The following PAPPA2 variants were observed in gnomAD, a reference collection of about 807,000 sequenced individuals.
PAPPA2 encodes pappalysin 2, also known as pappalysin-2.
In PAPPA2, 86 loss-of-function variants were observed where a neutral mutation model predicts 176.4. The ratio of observed to expected loss-of-function variants is 0.49; its 90% CI spans 0.41 to 0.58. PAPPA2 has a LOEUF of 0.58. Ranked by LOEUF, PAPPA2 falls within the 20% of genes least tolerant of loss-of-function variation. The pLI is 0.00. For missense variants in PAPPA2, 2,073 were observed against 2,256.9 expected, an observed-to-expected ratio of 0.92 and a Z score of 1.65; for synonymous variants, 809 against 852.2, an observed-to-expected ratio of 0.95 and a Z score of 0.88.
intron 17 of PAPPA2, among the ~76,000 whole-genome samples, chr1:176,782,597 T>C (rs1571320211): frequency 6.6e-6 from 1 of 151,950 alleles, no homozygotes; most frequent in Non-Finnish European, 1.5e-5. Flanking sequence ...GCTGGGAAGG[T>C]CATGGGTTGT....
At chr1:176,746,453 C>G (rs193259912) in intron 14 of PAPPA2, among the ~76,000 whole-genome samples, 70 of 152,172 alleles carry the variant, frequency 4.6e-4, no homozygotes, top group African/African-American at 1.5e-3. Flanking sequence ...GTTGCCCAGG[C>G]TGGAGTGCAG....
chr1:176,690,573 A>G (rs942845463), intron 5 of PAPPA2, 143 bp downstream of exon 5: 2 of 1,427,882 alleles, frequency 1.4e-6, no homozygotes, highest in African/African-American at 1.4e-5. Flanking sequence ...ATTATAAGGT[A>G]TTATTATTTT....
intron 4 of PAPPA2, among the ~76,000 whole-genome samples, chr1:176,683,277 T>A (rs960262310): frequency 3.9e-5 from 6 of 152,138 alleles, no homozygotes; most frequent in Admixed American, 2.0e-4. Flanking sequence ...TTTTGGCTTG[T>A]CTTTTGTAAT....
At chr1:176,517,301 A>G (rs555035911) in intron 1 of PAPPA2, among the ~76,000 whole-genome samples, 15 of 152,292 alleles carry the variant, frequency 9.8e-5, no homozygotes, top group Admixed American at 4.6e-4. Flanking sequence ...ATGAATATTA[A>G]TTAGCTAAGA....
chr1:176,772,652 T>C (rs1032738870), intron 17 of PAPPA2, among the ~76,000 whole-genome samples: 4 of 152,148 alleles, frequency 2.6e-5, no homozygotes, highest in African/African-American at 4.8e-5. Context: ...GAAAAATTCA[T>C]AGGAGGCAAC....
At chr1:176,598,684 G>A (rs1053932353) in intron 3 of PAPPA2, among the ~76,000 whole-genome samples, 2 of 151,974 alleles carry the variant, frequency 1.3e-5, no homozygotes, top group African/African-American at 4.8e-5. Flanking sequence ...CCTCCTCTGA[G>A]CTGTTCTAAC....
At chr1:176,552,325 T>C (rs1177237849) in intron 1 of PAPPA2, among the ~76,000 whole-genome samples, 1 of 147,834 alleles carries the variant, frequency 6.8e-6, no homozygotes, top group Non-Finnish European at 1.5e-5. Flanking sequence ...CTCCTCCATC[T>C]CTCCCCTCCC....
intron 4 of PAPPA2, among the ~76,000 whole-genome samples, chr1:176,689,070 A>G (rs1659977423): frequency 6.6e-6 from 1 of 152,204 alleles, no homozygotes; most frequent in African/African-American, 2.4e-5. Context: ...TGGGCAGCAC[A>G]GCCAGGGGTG....
intron 21 of PAPPA2, among the ~76,000 whole-genome samples, chr1:176,803,600 C>T (rs985975335): frequency 4.6e-5 from 7 of 152,200 alleles, no homozygotes; most frequent in Non-Finnish European, 8.8e-5. Context: ...CTCATTCCTA[C>T]AGTTGCCCAC....
chr1:176,516,719 A>G (rs1394580900), intron 1 of PAPPA2, among the ~76,000 whole-genome samples: 1 of 152,204 alleles, frequency 6.6e-6, no homozygotes, highest in African/African-American at 2.4e-5. Flanking sequence ...CACCAAAACT[A>G]TAAGAAAGTC....
At chr1:176,819,773 C>T (rs1666580527) in intron 21 of PAPPA2, among the ~76,000 whole-genome samples, 4 of 152,194 alleles carry the variant, frequency 2.6e-5, no homozygotes, top group Admixed American at 2.6e-4. Context: ...CCAGGAGTTG[C>T]ATACATAAAG....
chr1:176,498,756 A>AAAAAAAAAAAAAAAAAAAG, intron 1 of PAPPA2, among the ~76,000 whole-genome samples: 1 of 151,758 alleles, frequency 6.6e-6, no homozygotes, highest in Non-Finnish European at 1.5e-5. Context: ...ACCTCCAAAA[A>AAAAAAAAAAAAAAAAAAAG]AAAAAAAAAA....
intron 6 of PAPPA2, among the ~76,000 whole-genome samples, chr1:176,693,469 A>G (rs545803859): frequency 6.6e-6 from 1 of 152,304 alleles, no homozygotes. Context: ...TCTTCTTTGC[A>G]CCACACTTTC....
At chr1:176,551,517 T>G (rs1650950106) in intron 1 of PAPPA2, among the ~76,000 whole-genome samples, 1 of 152,164 alleles carries the variant, frequency 6.6e-6, no homozygotes, top group African/African-American at 2.4e-5. Context: ...GCTCTCGCTC[T>G]CTCTCTCGTT....
chr1:176,687,075 A>G (rs1659872626), intron 4 of PAPPA2, among the ~76,000 whole-genome samples: 2 of 152,118 alleles, frequency 1.3e-5, no homozygotes, highest in Non-Finnish European at 2.9e-5. Flanking sequence ...TATTTTCTAT[A>G]TTTCTATATT....
In PAPPA2 at chr1:176,592,883, G is replaced by A. The variant is rs1045709236; in HGVS notation, c.920-1641G>A. ...TGGACCAGGAGAAAATATGAATCAG[G>A]GAACTTAGTATTAATCTCACTAGAT... On this transcript the variant is annotated intron_variant, in intron 2 of 22. Transcript: ENST00000367662. Among the ~76,000 whole-genome samples, 8 of 152,048 alleles carry A rather than the reference G, an allele frequency of 5.3e-5. No individual in the cohort carries two copies. In the East Asian group the frequency reaches 1.5e-3, roughly 29 times the overall value.
chr1:176,617,137 C>A (rs1347583015), intron 3 of PAPPA2, among the ~76,000 whole-genome samples: 1 of 152,194 alleles, frequency 6.6e-6, no homozygotes, highest in Admixed American at 6.5e-5. Flanking sequence ...TCAATTTCTA[C>A]AGTTCACATG....
intron 1 of PAPPA2, among the ~76,000 whole-genome samples, chr1:176,464,055 A>G (rs761689878): frequency 1.3e-5 from 2 of 152,224 alleles, no homozygotes; most frequent in African/African-American, 2.4e-5. Flanking sequence ...TATTTCTTCT[A>G]TAGATGCACT....
intron 3 of PAPPA2, among the ~76,000 whole-genome samples, chr1:176,607,060 A>T (rs1654657282): frequency 6.6e-6 from 1 of 151,884 alleles, no homozygotes; most frequent in African/African-American, 2.4e-5. Flanking sequence ...TTTTATTTTT[A>T]TTATTTTTAT....
Sources: gnomAD v4.1 joint callset for allele counts (sites outside exome capture counted in the v4.1 genomes callset) on GRCh38, gnomAD v4.1.1 for gene constraint, MANE v1.5 for transcripts, NCBI Gene and HGNC (gene_info 2026-07-23, HGNC 2026-07-21) for gene names.